Variants in ZNF469 observed in about 807,000 individuals in gnomAD.
The protein encoded by ZNF469 is zinc finger protein 469.
In ZNF469, 1 loss-of-function variant was observed where a neutral mutation model predicts 1.0. That is an observed-to-expected ratio of 1.00 (90% confidence interval 0.35 to 4.73). The LOEUF is 4.73. ZNF469 is among the 30% of genes most tolerant of loss of function. ZNF469 has a pLI of 0.16. For missense variants in ZNF469, 6,100 were observed against 5,356.3 expected (o/e 1.14, Z -4.33); for synonymous variants, 2,703 against 2,363.4 (o/e 1.14, Z -4.17).
the ZNF469 span, among the ~76,000 whole-genome samples, chr16:88,290,205 C>T: frequency 7.2e-5 from 11 of 152,210 alleles, no homozygotes; most frequent in South Asian, 2.1e-4. Context: ...ACCACTGTCG[C>T]GGCATCTGCC....
intron 1 of ZNF469, among the ~76,000 whole-genome samples, chr16:88,394,664 G>A (rs1904604073): frequency 1.3e-5 from 2 of 152,194 alleles, no homozygotes; most frequent in Non-Finnish European, 2.9e-5. Flanking sequence ...GTCGAATGCT[G>A]GAGGTACCTT....
chr16:88,193,085 TG>T, the ZNF469 span, among the ~76,000 whole-genome samples: 15 of 143,152 alleles, frequency 1.0e-4, 1 homozygote, highest in African/African-American at 2.4e-4. Flanking sequence ...GTGGTGATGG[TG>T]GTGGTGATGG....
the ZNF469 span, among the ~76,000 whole-genome samples, chr16:88,207,572 G>A: frequency 2.7e-5 from 4 of 149,210 alleles, no homozygotes; most frequent in Non-Finnish European, 6.0e-5. Flanking sequence ...ACCACAAACC[G>A]GGAGCTTAAA....
the ZNF469 span, among the ~76,000 whole-genome samples, chr16:88,217,412 A>T: frequency 1.3e-5 from 2 of 152,026 alleles, no homozygotes; most frequent in African/African-American, 4.8e-5. Context: ...AAGTCTAAAC[A>T]TTGCCTTGTG....
chr16:88,427,734 G>A lies in ZNF469; in HGVS notation c.264G>A (p.Gly88=). Residue 88 remains glycine, a synonymous_variant, in exon 3 of 3, where the codon GGG becomes GGA. Coordinates refer to ENST00000565624, the MANE Select transcript of ZNF469 (RefSeq NM_001367624.2). ...LRGQAPSSTP[G]KRGSPQTPPG... ...GCCAGGCCCCGAGCAGCACCCCTGG[G>A]AAGAGGGGCAGCCCCCAGACCCCAC... 1 of 1,539,784 alleles carries A rather than the reference G, an allele frequency of 6.5e-7. No homozygotes were observed. Among genetic ancestry groups the A allele is most frequent in the Non-Finnish European group, 8.7e-7 (1 of 1,144,726 alleles).
chr16:88,264,068 A>C, the ZNF469 span, among the ~76,000 whole-genome samples: 754 of 151,910 alleles, frequency 5.0e-3, 7 homozygotes, highest in African/African-American at 0.017. Flanking sequence ...GGCCCCTGGG[A>C]GACTTACTCC....
intron 1 of ZNF469, among the ~76,000 whole-genome samples, chr16:88,398,529 T>G (rs184090114): frequency 7.3e-6 from 1 of 137,914 alleles, no homozygotes; most frequent in Non-Finnish European, 1.5e-5. Flanking sequence ...GAGCCACAGA[T>G]GAGGGGTGTG....
chr16:88,429,250 C>T lies in ZNF469; in HGVS notation c.1780C>T (p.Pro594Ser). The T allele has an allele frequency of 6.5e-7, 1 of 1,549,854 alleles. No homozygotes were observed. Among genetic ancestry groups the T allele is most frequent in the Non-Finnish European group, 8.7e-7 (1 of 1,146,830 alleles). ...VGASPSESPL[P>S]SPATNTAGST... ...AGCCTCCCCCAGCGAGTCCCCACTG[C>T]CGTCACCGGCCACCAACACGGCCGG... The change falls in exon 3 of 3, where the codon CCG becomes TCG. Residue 594 changes from proline to serine, a missense_variant. By Grantham distance (74) the Pro-to-Ser change is moderately conservative. Transcript: ENST00000565624.
chr16:88,261,460 G>A, the ZNF469 span, among the ~76,000 whole-genome samples: 4 of 152,334 alleles, frequency 2.6e-5, no homozygotes, highest in South Asian at 8.3e-4. This position sits in a 1 kb window ranked among gnomAD's most constrained non-coding sequence, Gnocchi z 6.0. Context: ...CCAGAGGCGG[G>A]GGACTTGTCT....
chr16:88,235,482 C>T, the ZNF469 span, among the ~76,000 whole-genome samples: 2 of 152,332 alleles, frequency 1.3e-5, no homozygotes, highest in African/African-American at 4.8e-5. Flanking sequence ...AGTAAAACCT[C>T]TCCACGCCAG....
the ZNF469 span, among the ~76,000 whole-genome samples, chr16:88,224,617 G>A: frequency 4.2e-4 from 64 of 152,232 alleles, no homozygotes; most frequent in Non-Finnish European, 5.9e-5. Flanking sequence ...CTGACACGCA[G>A]CAGGAGGGCG....
At chr16:88,317,732 G>A in the ZNF469 span, among the ~76,000 whole-genome samples, 7 of 152,320 alleles carry the variant, frequency 4.6e-5, no homozygotes, top group South Asian at 2.1e-4. Context: ...CTTCCCAGAC[G>A]CCTTTCCCTT....
chr16:88,104,267 A>G, the ZNF469 span, among the ~76,000 whole-genome samples: 570 of 140,286 alleles, frequency 4.1e-3, 3 homozygotes, highest in African/African-American at 0.014. Flanking sequence ...AAAAAAAAAA[A>G]GACAAGGGAT....
At chr16:88,108,410 C>T in the ZNF469 span, among the ~76,000 whole-genome samples, 12 of 152,294 alleles carry the variant, frequency 7.9e-5, no homozygotes, top group East Asian at 3.9e-4. Context: ...TGGTCACACC[C>T]GACGTCTCCT....
chr16:88,105,818 A>C, the ZNF469 span, among the ~76,000 whole-genome samples: 1 of 152,242 alleles, frequency 6.6e-6, no homozygotes, highest in South Asian at 2.1e-4. Flanking sequence ...ACGTGGTGGC[A>C]TCTGGTGCAG....
chr16:88,167,622 TG>T, the ZNF469 span, among the ~76,000 whole-genome samples: 1 of 152,058 alleles, frequency 6.6e-6, no homozygotes, highest in African/African-American at 2.4e-5. Flanking sequence ...GTTTCCAAGG[TG>T]GGGGGCAGGA....
the ZNF469 span, among the ~76,000 whole-genome samples, chr16:88,198,540 T>C: frequency 6.6e-6 from 1 of 152,230 alleles, no homozygotes; most frequent in African/African-American, 2.4e-5. Flanking sequence ...GAATTTTAAA[T>C]TGTATTTAAT....
the ZNF469 span, among the ~76,000 whole-genome samples, chr16:88,180,008 AG>A: frequency 6.6e-6 from 1 of 152,224 alleles, no homozygotes. Context: ...CTACACTAAG[AG>A]GTATAACAAG....
At chr16:88,395,690 G>A (rs934558103) in intron 1 of ZNF469, among the ~76,000 whole-genome samples, 7 of 152,052 alleles carry the variant, frequency 4.6e-5, no homozygotes, top group African/African-American at 7.3e-5. Flanking sequence ...CCTCACTCAG[G>A]GCTGTGTGAC....
Sources: gnomAD v4.1 joint callset for allele counts (sites outside exome capture counted in the v4.1 genomes callset) on GRCh38, gnomAD v4.1.1 for gene constraint, Gnocchi (gnomAD v3.1) non-coding constraint, MANE v1.5 for transcripts, NCBI Gene and HGNC (gene_info 2026-07-23, HGNC 2026-07-21) for gene names.